Variants in RUNX2 observed in about 807,000 individuals in gnomAD.
RUNX2 encodes runt-related transcription factor 2.
Under a neutral mutation model 51.7 loss-of-function variants are expected in RUNX2, and 10 were observed. The ratio of observed to expected loss-of-function variants is 0.19; its 90% CI spans 0.12 to 0.33. The LOEUF is 0.33. Ranked by LOEUF, RUNX2 falls within the 10% of genes least tolerant of loss-of-function variation. The pLI is 1.00. For synonymous variants in RUNX2, 276 were observed against 273.6 expected, an observed-to-expected ratio of 1.01 and a Z score of -0.09; for missense variants, 562 against 691.3, an observed-to-expected ratio of 0.81 and a Z score of 2.10.
At chr6:45,456,647 A>T (rs1350669004) in intron 5 of RUNX2, among the ~76,000 whole-genome samples, 4 of 152,158 alleles carry the variant, frequency 2.6e-5, no homozygotes, top group Non-Finnish European at 5.9e-5. Flanking sequence ...TCCTCTTCAG[A>T]CTTCCTCAAG....
At chr6:45,541,786 G>A (rs1291542890) in intron 7 of RUNX2, among the ~76,000 whole-genome samples, 1 of 152,216 alleles carries the variant, frequency 6.6e-6, no homozygotes, top group African/African-American at 2.4e-5. Context: ...AGAGGACATG[G>A]GGCATGGGGT....
At chr6:45,435,502 C>T (rs184577487) in intron 4 of RUNX2, among the ~76,000 whole-genome samples, 3 of 152,178 alleles carry the variant, frequency 2.0e-5, no homozygotes, top group East Asian at 1.9e-4. Flanking sequence ...GGATTACAGG[C>T]GTGCGTCACC....
intron 5 of RUNX2, among the ~76,000 whole-genome samples, chr6:45,442,228 T>C (rs1798862294): frequency 6.6e-6 from 1 of 152,228 alleles, no homozygotes; most frequent in Non-Finnish European, 1.5e-5. Context: ...ATTTATTTTC[T>C]TTGCCAGCTT....
At chr6:45,523,045 A>T (rs1295548140) in intron 7 of RUNX2, among the ~76,000 whole-genome samples, 1 of 152,200 alleles carries the variant, frequency 6.6e-6, no homozygotes, top group Non-Finnish European at 1.5e-5. Flanking sequence ...CCTACTCATT[A>T]TATTGATAAT....
chr6:45,329,611 A>G (rs896735775), intron 2 of RUNX2, among the ~76,000 whole-genome samples: 2 of 151,954 alleles, frequency 1.3e-5, no homozygotes, highest in Non-Finnish European at 2.9e-5. Flanking sequence ...ACCTACCAAA[A>G]TGAATAACTG....
rs1232888883 is a variant in RUNX2, at chr6:45,548,496, A to T, written c.*1191A>T. 6.5e-6 allele frequency: 1 copy of T among 152,684 alleles called. No homozygotes were observed. 9.5% of individuals were successfully genotyped at this position (152,684 alleles called of 1,614,324 possible). A position where few individuals can be genotyped will look rare whatever the true frequency, so the allele number is the denominator to read the frequency against. ...CCTCTAACACAGCTTTGCCTTCTAA[A>T]GCGGTAATTAGGGATTTAAAAAACA... On this transcript the variant is annotated 3_prime_UTR_variant, in exon 9 of 9. Coordinates refer to ENST00000647337, the MANE Select transcript of RUNX2 (RefSeq NM_001024630.4).
chr6:45,387,381 A>G (rs1797373406), intron 2 of RUNX2, among the ~76,000 whole-genome samples: 1 of 152,234 alleles, frequency 6.6e-6, no homozygotes, highest in Non-Finnish European at 1.5e-5. Context: ...AACCAGAAGC[A>G]CACAGCACTC....
intron 7 of RUNX2, among the ~76,000 whole-genome samples, chr6:45,518,277 AC>A (rs140860668): frequency 0.11 from 16,123 of 152,228 alleles, 1,020 homozygotes; most frequent in Non-Finnish European, 0.15. Flanking sequence ...TGGACCCTAA[AC>A]AAAGGCAAGC....
chr6:45,383,616 A>C (rs1277900270), intron 2 of RUNX2, among the ~76,000 whole-genome samples: 1 of 152,028 alleles, frequency 6.6e-6, no homozygotes, highest in African/African-American at 2.4e-5. Flanking sequence ...TTGTTTAAAA[A>C]AAAAGAAAAA....
chr6:45,335,509 T>A (rs1788368997), intron 2 of RUNX2, among the ~76,000 whole-genome samples: 1 of 151,278 alleles, frequency 6.6e-6, no homozygotes, highest in Admixed American at 6.6e-5. Context: ...ACACAGCTCA[T>A]TAAAATACAT....
At chr6:45,489,221 G>T (rs1800381291) in intron 5 of RUNX2, among the ~76,000 whole-genome samples, 1 of 152,114 alleles carries the variant, frequency 6.6e-6, no homozygotes, top group African/African-American at 2.4e-5. Flanking sequence ...AATTATTCTA[G>T]GGTGCCTGTA....
intron 2 of RUNX2, among the ~76,000 whole-genome samples, chr6:45,398,583 A>T (rs570572500): frequency 3.9e-5 from 6 of 152,224 alleles, no homozygotes; most frequent in African/African-American, 1.4e-4. Flanking sequence ...TTTCTTGACC[A>T]CAATCTGGCA....
intron 2 of RUNX2, among the ~76,000 whole-genome samples, chr6:45,382,115 A>G (rs1164462099): frequency 6.6e-6 from 1 of 152,194 alleles, no homozygotes; most frequent in East Asian, 1.9e-4. Flanking sequence ...ATGAAAACTT[A>G]GTTGTTCCCG....
chr6:45,470,791 T>C (rs940326162), intron 5 of RUNX2, among the ~76,000 whole-genome samples: 1 of 152,342 alleles, frequency 6.6e-6, no homozygotes, highest in African/African-American at 2.4e-5. Flanking sequence ...TATATTTCTC[T>C]GAAGACATGC....
rs138250281 is a variant in RUNX2, at chr6:45,478,678, T to G, written c.686-13263T>G. Among the ~76,000 whole-genome samples, 32 of 152,082 alleles carry G rather than the reference T, an allele frequency of 2.1e-4. No individual in the cohort carries two copies. The East Asian group carries it at 3.9e-3, about 18-fold the overall frequency. On this transcript the variant is annotated intron_variant, in intron 5 of 8. Coordinates refer to ENST00000647337, the MANE Select transcript of RUNX2 (RefSeq NM_001024630.4). ...TGTGTGTGTGTATTTGTGGAACTCA[T>G]AGTGACAGGTGAGGAATCCATAGCT...
intron 5 of RUNX2, among the ~76,000 whole-genome samples, chr6:45,477,789 A>G (rs1197946822): frequency 2.6e-5 from 4 of 152,212 alleles, no homozygotes; most frequent in African/African-American, 4.8e-5. Flanking sequence ...CTTCCCCTGT[A>G]AGTAAAGCAA....
chr6:45,413,336 A>G (rs879866737), intron 2 of RUNX2, among the ~76,000 whole-genome samples: 27 of 152,182 alleles, frequency 1.8e-4, no homozygotes, highest in Middle Eastern at 3.4e-3. Flanking sequence ...CACAGGACAC[A>G]CACACACAAT....
intron 7 of RUNX2, among the ~76,000 whole-genome samples, chr6:45,519,758 C>A (rs1452370705): frequency 6.8e-6 from 1 of 147,022 alleles, no homozygotes; most frequent in African/African-American, 2.6e-5. Context: ...AATTGCATTC[C>A]ATTGGAAGGA....
chr6:45,535,717 A>C (rs1198759680), intron 7 of RUNX2, among the ~76,000 whole-genome samples: 1 of 152,128 alleles, frequency 6.6e-6, no homozygotes, highest in Non-Finnish European at 1.5e-5. Context: ...GCTTCACAGC[A>C]GAGGGGGACT....
Sources: allele counts gnomAD v4.1 joint callset (sites outside exome capture counted in the v4.1 genomes callset), GRCh38; gene constraint gnomAD v4.1.1; transcripts MANE v1.5; gene names NCBI Gene and HGNC (gene_info 2026-07-23, HGNC 2026-07-21).